The following SLC25A17 variants were observed in gnomAD, a reference collection of about 807,000 sequenced individuals.
SLC25A17 encodes the protein peroxisomal membrane protein PMP34.
A neutral mutation model predicts 38.5 loss-of-function variants in SLC25A17; 26 were observed. That is an observed-to-expected ratio of 0.68 (90% CI 0.50 to 0.94). SLC25A17 has a LOEUF of 0.94. Among genes scored for constraint, SLC25A17 ranks in the 40% least tolerant of loss-of-function variants. SLC25A17 has a pLI of 0.00. For missense variants in SLC25A17, 333 were observed against 372.7 expected, an observed-to-expected ratio of 0.89 and a Z score of 0.88; for synonymous variants, 139 against 136.2, an observed-to-expected ratio of 1.02 and a Z score of -0.14.
chr22:40,775,674 A>G (rs1186737805), intron 7 of SLC25A17, among the ~76,000 whole-genome samples: 2 of 151,456 alleles, frequency 1.3e-5, no homozygotes, highest in African/African-American at 2.4e-5. Flanking sequence ...CTTGTTAGCC[A>G]GGATGGTCTC....
chr22:40,777,426 G>C (rs942687417), intron 5 of SLC25A17, 53 bp from the exon 6 acceptor site: 9 of 1,560,516 alleles, frequency 5.8e-6, no homozygotes, highest in African/African-American at 1.4e-5. Context: ...CCCCCAACTA[G>C]AGAAGACAAC....
At chr22:40,813,656 G>A (rs112906434) in intron 1 of SLC25A17, among the ~76,000 whole-genome samples, 8 of 149,120 alleles carry the variant, frequency 5.4e-5, no homozygotes, top group African/African-American at 7.4e-5. Context: ...CCCAGGAGGC[G>A]GAGCTTGCAG....
chr22:40,790,069 G>A (rs2057372033), intron 4 of SLC25A17, among the ~76,000 whole-genome samples: 2 of 151,694 alleles, frequency 1.3e-5, no homozygotes, highest in Non-Finnish European at 1.5e-5. Context: ...GCTGGGCGCG[G>A]TGGCTCACGC....
chr22:40,800,575 T>C (rs1256481540), intron 1 of SLC25A17, among the ~76,000 whole-genome samples: 1 of 152,100 alleles, frequency 6.6e-6, no homozygotes, highest in African/African-American at 2.4e-5. Flanking sequence ...ATTTTATTTT[T>C]TGTAAAGACA....
In SLC25A17 at chr22:40,775,978, T is replaced by A. The variant is rs2057239795; in HGVS notation, c.693+1062A>T. Among the ~76,000 whole-genome samples the A allele has an allele frequency of 2.6e-5, 4 of 152,118 alleles. No individual in the cohort carries two copies. In the South Asian group the frequency reaches 6.2e-4, roughly 24 times the overall value. ...GCATGAGAATGGACTAACACACACA[T>A]CATGCTCCCCCTGCCTGGAATGCAC... On this transcript the variant is annotated intron_variant, in intron 7 of 8. Coordinates refer to ENST00000435456, the MANE Select transcript of SLC25A17 (RefSeq NM_006358.4).
At chr22:40,802,317 T>C (rs1328627353) in intron 1 of SLC25A17, among the ~76,000 whole-genome samples, 1 of 152,088 alleles carries the variant, frequency 6.6e-6, no homozygotes, top group African/African-American at 2.4e-5. Context: ...AAACAGCTCA[T>C]TGGTCTATTA....
chr22:40,797,706 T>C (rs1459151632), intron 2 of SLC25A17, among the ~76,000 whole-genome samples: 1 of 152,060 alleles, frequency 6.6e-6, no homozygotes, highest in Non-Finnish European at 1.5e-5. Flanking sequence ...AAAAATAAAA[T>C]AGGAAACAAT....
intron 4 of SLC25A17, among the ~76,000 whole-genome samples, chr22:40,790,096 T>G (rs930888477): frequency 2.0e-5 from 3 of 151,652 alleles, no homozygotes; most frequent in African/African-American, 7.3e-5. Flanking sequence ...TCCCAGCACT[T>G]TGGGAGGCCG....
intron 1 of SLC25A17, among the ~76,000 whole-genome samples, chr22:40,809,106 C>CTTTTTTTT (rs976946812): frequency 6.9e-6 from 1 of 145,520 alleles, no homozygotes; most frequent in Non-Finnish European, 1.5e-5. Flanking sequence ...TGTATTTTAC[C>CTTTTTTTT]TTTTTTTTTT....
At chr22:40,794,406 C>T in intron 3 of SLC25A17, 108 bp downstream of exon 3, 2 of 639,154 alleles carry the variant, frequency 3.1e-6, no homozygotes, top group Non-Finnish European at 5.5e-6. Context: ...TCCAAATTCA[C>T]AACATTAGAG....
chr22:40,810,764 A>G (rs1602628517), intron 1 of SLC25A17, among the ~76,000 whole-genome samples: 1 of 152,312 alleles, frequency 6.6e-6, no homozygotes, highest in East Asian at 1.9e-4. Flanking sequence ...ATTTTATCCA[A>G]TCTTCCTTCA....
At chr22:40,771,994 A>G (rs2057188226) in intron 8 of SLC25A17, among the ~76,000 whole-genome samples, 1 of 151,822 alleles carries the variant, frequency 6.6e-6, no homozygotes, top group East Asian at 1.9e-4. Context: ...CTATGTACCC[A>G]CAAAAATCAA....
chr22:40,771,832 C>T (rs1233612708), intron 8 of SLC25A17, among the ~76,000 whole-genome samples: 1 of 151,948 alleles, frequency 6.6e-6, no homozygotes, highest in Non-Finnish European at 1.5e-5. Context: ...TTTAATTGTA[C>T]ATTTAAAAAT....
At position 40,799,023 on chromosome 22, in the gene SLC25A17, C is replaced by T; in HGVS notation, c.115G>A (p.Val39Ile). The T allele has an allele frequency of 6.3e-7, 1 of 1,599,484 alleles. No individual in the cohort carries two copies. Among genetic ancestry groups the T allele is most frequent in the Non-Finnish European group, 8.6e-7 (1 of 1,166,826 alleles). The change falls in exon 2 of 9, where the codon GTT (valine) becomes ATT (isoleucine). Residue 39 changes from valine to isoleucine, a missense_variant and splice_region_variant. Transcript: ENST00000435456. The part of the protein sequence containing the change: ...PLDTARLRLQ[V>I]DEKRKSKTTH... ...AAATAGGAGTATGATTTCTACTTACCCTGAAGTCGAAGTCTAGCTGTATCC... is the reference window on the plus strand; with the variant it reads ...AAATAGGAGTATGATTTCTACTTACTCTGAAGTCGAAGTCTAGCTGTATCC...
At chr22:40,783,833 G>A in intron 4 of SLC25A17, among the ~76,000 whole-genome samples, 1 of 152,124 alleles carries the variant, frequency 6.6e-6, no homozygotes, top group East Asian at 1.9e-4. Flanking sequence ...AGCCTCCCAA[G>A]TAGCTGGGAT....
intron 4 of SLC25A17, chr22:40,788,670 G>A: frequency 5.6e-6 from 1 of 177,768 alleles, no homozygotes; most frequent in Non-Finnish European, 1.2e-5. Context: ...CAGCCTGGGA[G>A]AGAGAGCGAG....
At chr22:40,796,942 C>G (rs2057436470) in intron 2 of SLC25A17, among the ~76,000 whole-genome samples, 1 of 151,548 alleles carries the variant, frequency 6.6e-6, no homozygotes, top group African/African-American at 2.4e-5. Context: ...GTGAAAAGTT[C>G]AAAGTACAGG....
Position 40,779,139 on chromosome 22 carries a change from G to C in SLC25A17, c.335-14C>G, listed in dbSNP as rs895132531. On this transcript the variant is annotated splice_polypyrimidine_tract_variant and intron_variant, in intron 4 of 8. Coordinates refer to ENST00000435456, the MANE Select transcript of SLC25A17 (RefSeq NM_006358.4). ...CATTAACCACTCCTTTAACAAGAAAGATGGAGAGAAAAAGGGAAGGCAAAA... is the reference window on the plus strand; with the variant it reads ...CATTAACCACTCCTTTAACAAGAAACATGGAGAGAAAAAGGGAAGGCAAAA... The C allele has an allele frequency of 9.9e-6, 16 of 1,614,038 alleles. No individual in the cohort carries two copies. In the African/African-American group the frequency reaches 2.1e-4, roughly 22 times the overall value.
At position 40,802,260 on chromosome 22, in the gene SLC25A17, C is replaced by G. The variant is rs576036979; in HGVS notation, c.55-3177G>C. On this transcript the variant is annotated intron_variant, in intron 1 of 8. Transcript: ENST00000435456. ...AACATAGAAGTCCTTGCCTACCTAT[C>G]TGGATATCTTGAAGTGAAACACCAA... Among the ~76,000 whole-genome samples, 32 of 152,250 alleles carry G rather than the reference C, an allele frequency of 2.1e-4. 1 individual carries two copies. The South Asian group carries it at 2.9e-3, about 14-fold the overall frequency.
Sources: allele counts gnomAD v4.1 joint callset (sites outside exome capture counted in the v4.1 genomes callset), GRCh38; gene constraint gnomAD v4.1.1; transcripts MANE v1.5; gene names NCBI Gene and HGNC (gene_info 2026-07-23, HGNC 2026-07-21).